RNGTT: variants seen among roughly 807,000 people sequenced by gnomAD.
RNGTT encodes the protein RNA guanylyltransferase and 5'-phosphatase.
A neutral mutation model predicts 79.3 loss-of-function variants in RNGTT; 33 were observed. The observed-to-expected ratio is 0.42, with a 90% CI of 0.32 to 0.56. RNGTT has a LOEUF of 0.56. Ranked by LOEUF, RNGTT falls within the 20% of genes least tolerant of loss-of-function variation. RNGTT has a pLI of 0.17. For synonymous variants in RNGTT, 222 were observed against 235.9 expected, an observed-to-expected ratio of 0.94 and a Z score of 0.54; for missense variants, 497 against 739.1, an observed-to-expected ratio of 0.67 and a Z score of 3.80.
At chr6:88,919,968 C>T (rs1232216946) in intron 4 of RNGTT, among the ~76,000 whole-genome samples, 2 of 152,048 alleles carry the variant, frequency 1.3e-5, no homozygotes, top group African/African-American at 4.8e-5. Flanking sequence ...GGATTACAGG[C>T]GTGAGCCACT....
At chr6:88,912,893 T>TA (rs2127946615) in intron 4 of RNGTT, among the ~76,000 whole-genome samples, 1 of 152,076 alleles carries the variant, frequency 6.6e-6, no homozygotes, top group Non-Finnish European at 1.5e-5. Context: ...GAACCAGTTA[T>TA]AAAAAACCTA....
chr6:88,835,315 G>A (rs950986605), intron 11 of RNGTT, among the ~76,000 whole-genome samples: 1 of 152,010 alleles, frequency 6.6e-6, no homozygotes, highest in Non-Finnish European at 1.5e-5. Context: ...TTCTTTGCAT[G>A]TTCTTTCACT....
At chr6:88,823,446 GA>G (rs71024303) in intron 11 of RNGTT, among the ~76,000 whole-genome samples, 147,359 of 147,792 alleles carry the variant, frequency 1, 73,464 homozygotes, top group Middle Eastern at 1. Context: ...AAGGAAAAAA[GA>G]AAAAAAAAAA....
intron 14 of RNGTT, among the ~76,000 whole-genome samples, chr6:88,661,694 CAA>C (rs994956216): frequency 2.0e-5 from 3 of 151,986 alleles, no homozygotes; most frequent in African/African-American, 7.2e-5. Flanking sequence ...AAATTGCCAA[CAA>C]AAAAAGTCCA....
chr6:88,911,221 A>C (rs970019559), intron 4 of RNGTT, among the ~76,000 whole-genome samples: 17 of 152,242 alleles, frequency 1.1e-4, no homozygotes, highest in Admixed American at 1.0e-3. Flanking sequence ...ATAAAAAAAG[A>C]CCCATCCTTC....
chr6:88,895,167 C>T lies in RNGTT; in HGVS notation c.685-3252G>A, dbSNP rs9342172. On this transcript the variant is annotated intron_variant, in intron 6 of 15. Coordinates refer to ENST00000369485, the MANE Select transcript of RNGTT (RefSeq NM_003800.5). ...GGCTATCACAACAGAAATGAGTGAT[C>T]CTTTAGACAGAAATTTAGTAAATAT... is the stretch of plus-strand genomic sequence containing the variant. 4.9e-4 allele frequency among the ~76,000 whole-genome samples: 74 copies of T among 150,572 alleles called. 2 individuals are homozygous for T. In the East Asian group the frequency reaches 0.014, roughly 29 times the overall value.
chr6:88,909,213 C>G (rs1783754774), intron 4 of RNGTT, among the ~76,000 whole-genome samples: 1 of 152,220 alleles, frequency 6.6e-6, no homozygotes, highest in African/African-American at 2.4e-5. Context: ...ACTGGGCACG[C>G]AGGGCTTTTG....
intron 13 of RNGTT, among the ~76,000 whole-genome samples, chr6:88,694,972 C>G (rs1047110658): frequency 6.6e-6 from 1 of 152,034 alleles, no homozygotes; most frequent in Non-Finnish European, 1.5e-5. Context: ...CATTTGTGTT[C>G]ATTATAAATT....
At chr6:88,646,857 T>G (rs1582274610) in intron 14 of RNGTT, among the ~76,000 whole-genome samples, 2 of 145,756 alleles carry the variant, frequency 1.4e-5, no homozygotes, top group South Asian at 2.2e-4. Flanking sequence ...GTGGGGGGAG[T>G]GGGGAGGGAT....
chr6:88,806,267 A>G (rs986241154), intron 11 of RNGTT, among the ~76,000 whole-genome samples: 1 of 151,904 alleles, frequency 6.6e-6, no homozygotes, highest in Non-Finnish European at 1.5e-5. Context: ...TAAAAATAAC[A>G]TTTACAAAAA....
chr6:88,670,855 T>G (rs1447122426), intron 14 of RNGTT, among the ~76,000 whole-genome samples: 2 of 152,192 alleles, frequency 1.3e-5, no homozygotes, highest in Admixed American at 1.3e-4. Context: ...GCTCGGATCT[T>G]GAGACGCGAG....
chr6:88,867,125 A>G (rs1296106484), intron 8 of RNGTT, among the ~76,000 whole-genome samples: 1 of 152,190 alleles, frequency 6.6e-6, no homozygotes, highest in African/African-American at 2.4e-5. Context: ...TACACATAGA[A>G]TTGTGAGAAG....
At chr6:88,894,044 A>G (rs567036217) in intron 6 of RNGTT, among the ~76,000 whole-genome samples, 1 of 152,308 alleles carries the variant, frequency 6.6e-6, no homozygotes, top group East Asian at 1.9e-4. Context: ...GCAACCTGAA[A>G]ATACCCATCT....
chr6:88,890,324 C>T (rs144059659), intron 8 of RNGTT, among the ~76,000 whole-genome samples, 171 bp downstream of exon 8: 19 of 152,264 alleles, frequency 1.2e-4, no homozygotes, highest in Admixed American at 4.6e-4. Flanking sequence ...ATAACTTGTG[C>T]TATACAGCTT....
At chr6:88,661,813 C>A (rs1377393983) in intron 14 of RNGTT, among the ~76,000 whole-genome samples, 3 of 152,098 alleles carry the variant, frequency 2.0e-5, no homozygotes, top group Non-Finnish European at 2.9e-5. Flanking sequence ...CTAAATCATT[C>A]CCTGAAACCA....
At chr6:88,857,924 A>AC (rs532798988) in intron 8 of RNGTT, among the ~76,000 whole-genome samples, 55 of 152,198 alleles carry the variant, frequency 3.6e-4, no homozygotes, top group Non-Finnish European at 7.2e-4. Flanking sequence ...TTAAAGCTTT[A>AC]CAAGGGGGAA....
At position 88,880,212 on chromosome 6, in the gene RNGTT, ATG is replaced by A. The variant is rs1457955322; in HGVS notation, c.896+10281_896+10282del. On this transcript the variant is annotated intron_variant, in intron 8 of 15. Transcript: ENST00000369485. ...AATGAATGAATGAATGAATGAATGA[ATG>A]AAAGGAAGAAGGGAAGGAAGGGAGG... Among the ~76,000 whole-genome samples, 126 of 152,234 alleles carry A rather than the reference ATG, an allele frequency of 8.3e-4. 1 individual carries two copies. Among genetic ancestry groups the A allele is most frequent in the Non-Finnish European group, 1.3e-3 (86 of 68,014 alleles).
At chr6:88,854,583 TAATCCCTCTCTTTG>T in intron 8 of RNGTT, among the ~76,000 whole-genome samples, 1 of 152,342 alleles carries the variant, frequency 6.6e-6, no homozygotes, top group South Asian at 2.1e-4. Flanking sequence ...GCAAAACAGC[TAATCCCTCTCTTTG>T]AATCAATATC....
intron 1 of RNGTT, among the ~76,000 whole-genome samples, chr6:88,963,145 T>C (rs1182653521): frequency 6.6e-6 from 1 of 152,082 alleles, no homozygotes; most frequent in Non-Finnish European, 1.5e-5. Flanking sequence ...CTTGCAGGAA[T>C]AGTAACAAGT....
Sources: allele counts gnomAD v4.1 joint callset (sites outside exome capture counted in the v4.1 genomes callset), GRCh38; gene constraint gnomAD v4.1.1; transcripts MANE v1.5; gene names NCBI Gene and HGNC (gene_info 2026-07-23, HGNC 2026-07-21).